The following MYO16 variants were observed in gnomAD, a reference collection of about 807,000 sequenced individuals.
MYO16 encodes the protein myosin XVI.
In MYO16, 94 loss-of-function variants were observed where a neutral mutation model predicts 205.3. The observed-to-expected ratio is 0.46, with a 90% CI of 0.39 to 0.54. The LOEUF is 0.54. MYO16 is among the 20% of genes least tolerant of loss of function. The pLI, the probability that MYO16 is intolerant of heterozygous loss-of-function variation, is 0.00. For synonymous variants in MYO16, 988 were observed against 954.0 expected (o/e 1.04, Z -0.66); for missense variants, 2,315 against 2,387.5 (o/e 0.97, Z 0.63).
chr13:108,685,882 G>GT (rs1368883579), intron 2 of MYO16, among the ~76,000 whole-genome samples: 1 of 152,146 alleles, frequency 6.6e-6, no homozygotes, highest in African/African-American at 2.4e-5. Context: ...CTCCTTATTT[G>GT]TGAGGGCACC....
chr13:108,601,622 T>A (rs1878767059), intron 1 of MYO16, among the ~76,000 whole-genome samples: 1 of 152,012 alleles, frequency 6.6e-6, no homozygotes, highest in South Asian at 2.1e-4. Context: ...TCCAGAGAAG[T>A]TATAAGATAA....
At chr13:109,105,160 G>A (rs551261732) in intron 28 of MYO16, among the ~76,000 whole-genome samples, 1 of 152,332 alleles carries the variant, frequency 6.6e-6, no homozygotes, top group South Asian at 2.1e-4. Context: ...CACTTGATGT[G>A]GATGCAAAGA....
chr13:108,508,689 C>T, the MYO16 span, among the ~76,000 whole-genome samples: 9 of 152,224 alleles, frequency 5.9e-5, no homozygotes, highest in Middle Eastern at 3.4e-3. Context: ...CTGAGCTCTG[C>T]CAGCTTGGGG....
intron 10 of MYO16, among the ~76,000 whole-genome samples, chr13:108,845,762 G>A (rs1877485313): frequency 6.6e-6 from 1 of 152,162 alleles, no homozygotes; most frequent in Admixed American, 6.5e-5. Flanking sequence ...TGTCACTCAG[G>A]CTGTAGTGCA....
chr13:108,626,618 A>G (rs1879746087), upstream of MYO16, among the ~76,000 whole-genome samples: 2 of 151,958 alleles, frequency 1.3e-5, no homozygotes, highest in Non-Finnish European at 2.9e-5. Flanking sequence ...AGCCTGACTA[A>G]CATGGTGAAA....
At chr13:108,506,666 CTT>C in the MYO16 span, among the ~76,000 whole-genome samples, 1 of 152,000 alleles carries the variant, frequency 6.6e-6, no homozygotes, top group Non-Finnish European at 1.5e-5. Context: ...ATTTGAATGT[CTT>C]TAGTTTCTTT....
At chr13:108,777,332 T>A (rs1223459666) in intron 4 of MYO16, among the ~76,000 whole-genome samples, 1 of 152,142 alleles carries the variant, frequency 6.6e-6, no homozygotes, top group Non-Finnish European at 1.5e-5. Context: ...AATATTAATA[T>A]TATCTAATAA....
intron 16 of MYO16, among the ~76,000 whole-genome samples, chr13:108,930,427 A>G (rs1882205160): frequency 2.0e-5 from 3 of 152,230 alleles, no homozygotes; most frequent in African/African-American, 7.2e-5. Context: ...TTAAAACAGC[A>G]GCAAATATAA....
the MYO16 span, among the ~76,000 whole-genome samples, chr13:108,500,479 C>T: frequency 1.3e-5 from 2 of 151,942 alleles, no homozygotes; most frequent in South Asian, 2.1e-4. Context: ...CCACTCGCCT[C>T]GGCCTCCCAA....
At chr13:108,559,490 T>TTTTTTTTTG in the MYO16 span, among the ~76,000 whole-genome samples, 1 of 145,804 alleles carries the variant, frequency 6.9e-6, no homozygotes, top group African/African-American at 2.5e-5. Context: ...TTTTTTTTTT[T>TTTTTTTTTG]TTGAGACGGA....
chr13:108,584,047 A>T, the MYO16 span, among the ~76,000 whole-genome samples: 2 of 152,092 alleles, frequency 1.3e-5, no homozygotes, highest in African/African-American at 4.8e-5. Flanking sequence ...TCTGCCTCCC[A>T]GGTTCATGCC....
chr13:108,633,290 T>C (rs966767038), intron 1 of MYO16, among the ~76,000 whole-genome samples: 1 of 152,152 alleles, frequency 6.6e-6, no homozygotes, highest in Non-Finnish European at 1.5e-5. Flanking sequence ...GGTCCCACAA[T>C]AGGCCATCTG....
At chr13:108,683,575 C>G (rs181250004) in intron 2 of MYO16, among the ~76,000 whole-genome samples, 1 of 152,092 alleles carries the variant, frequency 6.6e-6, no homozygotes, top group African/African-American at 2.4e-5. Context: ...TAAGCACTGC[C>G]GCGTGATTGT....
At chr13:108,795,853 G>A (rs1237192591) in intron 6 of MYO16, among the ~76,000 whole-genome samples, 1 of 152,134 alleles carries the variant, frequency 6.6e-6, no homozygotes, top group Non-Finnish European at 1.5e-5. Flanking sequence ...ACAGGGACAT[G>A]TTGGTCATAT....
At chr13:108,659,186 G>A (rs1489704775) in intron 1 of MYO16, among the ~76,000 whole-genome samples, 1 of 146,928 alleles carries the variant, frequency 6.8e-6, no homozygotes, top group African/African-American at 2.5e-5. Flanking sequence ...TGGAAACCAT[G>A]TGTGTATATA....
intron 6 of MYO16, among the ~76,000 whole-genome samples, chr13:108,805,433 C>G (rs1414294790): frequency 6.6e-6 from 1 of 152,132 alleles, no homozygotes; most frequent in Admixed American, 6.6e-5. Context: ...AAAATGTACA[C>G]ATTGAATAAG....
In MYO16 at chr13:109,107,845, G is replaced by A. The variant is rs937375052; in HGVS notation, c.3438+6958G>A. ...TATATTATATTATATTATATTATAT[G>A]TGTGTGTGTCTGTGTGTGTGTATTT... On this transcript the variant is annotated intron_variant, in intron 28 of 34. Transcript: ENST00000457511. Among the ~76,000 whole-genome samples the A allele has an allele frequency of 6.7e-3, 277 of 41,550 alleles. 3 individuals carry two copies. Among genetic ancestry groups the A allele is most frequent in the South Asian group, 0.044 (45 of 1,030 alleles). The allele number at this position is 41,550 out of a possible 152,430, so 27.3% of individuals were successfully genotyped here. A position where few individuals can be genotyped will look rare whatever the true frequency, so the allele number is the denominator to read the frequency against.
chr13:109,144,803 A>C (rs1056126921), intron 32 of MYO16, among the ~76,000 whole-genome samples: 1 of 152,204 alleles, frequency 6.6e-6, no homozygotes, highest in African/African-American at 2.4e-5. Context: ...CATCGAGGAG[A>C]TTAAACTGCT....
chr13:109,074,169 T>C (rs1230102405), intron 27 of MYO16, among the ~76,000 whole-genome samples: 2 of 152,168 alleles, frequency 1.3e-5, no homozygotes, highest in Admixed American at 6.5e-5. Flanking sequence ...AAGAAAAAAA[T>C]TGTGTTTTTA....
Sources: allele counts gnomAD v4.1 joint callset (sites outside exome capture counted in the v4.1 genomes callset), GRCh38; gene constraint gnomAD v4.1.1; transcripts MANE v1.5; gene names NCBI Gene and HGNC (gene_info 2026-07-23, HGNC 2026-07-21).